Variants in SRGAP1 observed in about 807,000 individuals in gnomAD.
SRGAP1 encodes SLIT-ROBO Rho GTPase-activating protein 1.
A neutral mutation model predicts 121.9 loss-of-function variants in SRGAP1; 43 were observed. The observed-to-expected ratio is 0.35, with a 90% CI of 0.28 to 0.46. The LOEUF is 0.46. Ranked by LOEUF, SRGAP1 falls within the 20% of genes least tolerant of loss-of-function variation. SRGAP1 has a pLI of 1.00. For synonymous variants in SRGAP1, 447 were observed against 485.4 expected (o/e 0.92, Z 1.04); for missense variants, 1,102 against 1,350.9 (o/e 0.82, Z 2.89).
intron 1 of SRGAP1, among the ~76,000 whole-genome samples, chr12:63,942,435 G>C (rs2031902073): frequency 6.6e-6 from 1 of 152,066 alleles, no homozygotes; most frequent in Non-Finnish European, 1.5e-5. Flanking sequence ...AAATTATTTG[G>C]AAGATTTGGT....
At chr12:63,893,734 T>C (rs989805603) in intron 1 of SRGAP1, among the ~76,000 whole-genome samples, 6 of 152,250 alleles carry the variant, frequency 3.9e-5, no homozygotes, top group Non-Finnish European at 8.8e-5. Context: ...GATCTGAACA[T>C]TTTAATGCAT....
chr12:63,846,136 G>C (rs1212647505), intron 1 of SRGAP1, among the ~76,000 whole-genome samples: 1 of 151,476 alleles, frequency 6.6e-6, no homozygotes. Flanking sequence ...TCTATAGGCT[G>C]ACCCCTATAA....
intron 1 of SRGAP1, among the ~76,000 whole-genome samples, chr12:63,875,892 T>TA (rs569191228): frequency 8.4e-4 from 128 of 152,324 alleles, no homozygotes; most frequent in African/African-American, 2.9e-3. Context: ...CTGCTGTTTA[T>TA]AAAACCAAAT....
intron 10 of SRGAP1, chr12:64,081,662 T>C (rs190916366): frequency 1.3e-4 from 20 of 152,068 alleles, no homozygotes; most frequent in Non-Finnish European, 2.2e-4. Context: ...ATTATTGAAT[T>C]AGTGTTAATT....
At position 64,147,641 on chromosome 12, in the gene SRGAP1, T is replaced by C. The variant is rs2037074935; in HGVS notation, c.*4969T>C. The C allele has an allele frequency of 5.0e-6, 2 of 398,508 alleles. No individual in the cohort carries two copies. 24.7% of individuals were successfully genotyped at this position (398,508 alleles called of 1,614,324 possible). A position where few individuals can be genotyped will look rare whatever the true frequency, so the allele number is the denominator to read the frequency against. ...TACTGCCTCTCACCATTTCATTCCC[T>C]CCTCTCTGAGGTGAAAATAAAGGGG... is the stretch of plus-strand genomic sequence containing the variant. On this transcript the variant is annotated 3_prime_UTR_variant, in exon 22 of 22. Coordinates refer to ENST00000355086, the MANE Select transcript of SRGAP1 (RefSeq NM_020762.4).
At chr12:64,068,675 G>A (rs906915386) in intron 8 of SRGAP1, among the ~76,000 whole-genome samples, 3 of 151,632 alleles carry the variant, frequency 2.0e-5, no homozygotes, top group African/African-American at 4.8e-5. Context: ...GGTTTTGAAA[G>A]TTATTTGCTG....
chr12:63,930,264 G>A (rs2031422361), intron 1 of SRGAP1, among the ~76,000 whole-genome samples: 1 of 150,252 alleles, frequency 6.7e-6, no homozygotes, highest in Admixed American at 6.7e-5. Context: ...GCTGTGGTGG[G>A]CAGATCACTT....
At chr12:64,072,746 A>G (rs563091342) in intron 8 of SRGAP1, among the ~76,000 whole-genome samples, 3 of 152,342 alleles carry the variant, frequency 2.0e-5, no homozygotes, top group East Asian at 1.9e-4. Flanking sequence ...TAAGCCACTC[A>G]GTACCTGGTT....
intron 1 of SRGAP1, among the ~76,000 whole-genome samples, chr12:63,946,786 A>G (rs113981454): frequency 0.016 from 2,381 of 151,818 alleles, 33 homozygotes; most frequent in African/African-American, 0.038. Flanking sequence ...CTCGTGATCC[A>G]CCTGCCTTGG....
At chr12:64,137,486 C>T (rs1028110585) in intron 21 of SRGAP1, among the ~76,000 whole-genome samples, 5 of 151,988 alleles carry the variant, frequency 3.3e-5, no homozygotes, top group African/African-American at 1.2e-4. Flanking sequence ...CAGATTTTCC[C>T]ATGGGGACAA....
chr12:63,984,992 G>T (rs2033375183), intron 2 of SRGAP1, among the ~76,000 whole-genome samples: 1 of 148,994 alleles, frequency 6.7e-6, no homozygotes, highest in African/African-American at 2.5e-5. Context: ...CTCCAGGCTG[G>T]GCAATAGAGT....
chr12:63,905,193 C>T (rs2030142736), intron 1 of SRGAP1, among the ~76,000 whole-genome samples: 2 of 152,130 alleles, frequency 1.3e-5, no homozygotes, highest in Admixed American at 6.5e-5. Flanking sequence ...ATTTCAGTAT[C>T]GTTAGTGCCT....
chr12:63,915,921 G>A (rs1199770831), intron 1 of SRGAP1, among the ~76,000 whole-genome samples: 1 of 152,104 alleles, frequency 6.6e-6, no homozygotes, highest in African/African-American at 2.4e-5. Flanking sequence ...TGAAATAGAA[G>A]CCTTGGTCAT....
At chr12:64,108,847 G>A (rs2136612007) in intron 15 of SRGAP1, 85 bp from the exon 16 acceptor site, 2 of 844,762 alleles carry the variant, frequency 2.4e-6, no homozygotes, top group Non-Finnish European at 1.8e-6. Flanking sequence ...ATATTCAGAT[G>A]TGTACCGGTA....
At chr12:63,976,243 A>G (rs997959103) in intron 1 of SRGAP1, among the ~76,000 whole-genome samples, 3 of 152,214 alleles carry the variant, frequency 2.0e-5, no homozygotes, top group Non-Finnish European at 4.4e-5. Flanking sequence ...AGCATGCCAC[A>G]TGGGGTCCTT....
intron 4 of SRGAP1, among the ~76,000 whole-genome samples, chr12:64,020,641 G>A (rs199917621): frequency 2.0e-5 from 3 of 152,020 alleles, no homozygotes; most frequent in African/African-American, 4.8e-5. Flanking sequence ...TCAGGAGTTC[G>A]AGACCAGCCT....
At position 64,079,048 on chromosome 12, in the gene SRGAP1, T is replaced by C. The variant is rs2035789816; in HGVS notation, c.1255T>C (p.Tyr419His). The C allele has an allele frequency of 1.2e-6, 2 of 1,614,120 alleles. No individual in the cohort carries two copies. Among genetic ancestry groups the C allele is most frequent in the Non-Finnish European group, 1.7e-6 (2 of 1,179,988 alleles). Residue 419 changes from tyrosine to histidine, a missense_variant, in exon 9 of 22, where the codon TAC (tyrosine) becomes CAC (histidine). Physicochemically the swap from Tyr to His is moderately conservative, Grantham distance 83. Coordinates refer to ENST00000355086, the MANE Select transcript of SRGAP1 (RefSeq NM_020762.4). ...AGTGAAGTCCACTGTCTCTGAAACC[T>C]ACCTGAGTAAACCCAGCATCGCCAA... The part of the protein sequence containing the change: ...ESVKSTVSET[Y>H]LSKPSIAKRR...
chr12:64,131,606 A>G (rs1402150931), intron 21 of SRGAP1, among the ~76,000 whole-genome samples: 1 of 152,180 alleles, frequency 6.6e-6, no homozygotes, highest in Non-Finnish European at 1.5e-5. Context: ...TCAAGTGATC[A>G]TAGGGAACTC....
At chr12:64,137,520 A>C (rs2036874931) in intron 21 of SRGAP1, among the ~76,000 whole-genome samples, 3 of 152,178 alleles carry the variant, frequency 2.0e-5, no homozygotes, top group Non-Finnish European at 2.9e-5. Flanking sequence ...CAAGGTGTTC[A>C]TTAAAAAAAT....
Sources: allele counts gnomAD v4.1 joint callset (sites outside exome capture counted in the v4.1 genomes callset), GRCh38; gene constraint gnomAD v4.1.1; transcripts MANE v1.5; gene names NCBI Gene and HGNC (gene_info 2026-07-23, HGNC 2026-07-21).